Variants in ATP8B4 observed in about 807,000 individuals in gnomAD.
ATP8B4 encodes probable phospholipid-transporting ATPase IM.
ATP8B4 carries 133 observed loss-of-function variants against 145.6 expected under a neutral mutation model. The observed-to-expected ratio is 0.91, with a 90% CI of 0.79 to 1.05. ATP8B4 has a LOEUF of 1.05. ATP8B4 is among the 50% of genes least tolerant of loss of function. The pLI is 0.00. For synonymous variants in ATP8B4, 507 were observed against 492.9 expected, an observed-to-expected ratio of 1.03 and a Z score of -0.38; for missense variants, 1,458 against 1,425.2, an observed-to-expected ratio of 1.02 and a Z score of -0.37.
chr15:49,994,745 C>T (rs965521394), intron 9 of ATP8B4, among the ~76,000 whole-genome samples: 2 of 151,980 alleles, frequency 1.3e-5, no homozygotes, highest in African/African-American at 4.8e-5. Context: ...TCCAGCCTGG[C>T]TCCTTATGCA....
chr15:49,871,340 CACTGTAG>C (rs1445908939), intron 25 of ATP8B4, among the ~76,000 whole-genome samples: 3 of 152,216 alleles, frequency 2.0e-5, no homozygotes, highest in Non-Finnish European at 2.9e-5. Flanking sequence ...TAACCAGTCT[CACTGTAG>C]ACTTTGTTCC....
intron 12 of ATP8B4, among the ~76,000 whole-genome samples, chr15:49,974,081 C>CTTTTTT (rs5812500): frequency 3.9e-5 from 5 of 126,726 alleles, no homozygotes; most frequent in Admixed American, 8.1e-5. Flanking sequence ...TATCATTTGT[C>CTTTTTT]TTTTTTTTTT....
chr15:50,026,869 A>G (rs2050045973), intron 6 of ATP8B4, among the ~76,000 whole-genome samples: 1 of 152,118 alleles, frequency 6.6e-6, no homozygotes, highest in Non-Finnish European at 1.5e-5. Context: ...CTTGTGACGG[A>G]CCACATTGCA....
intron 23 of ATP8B4, chr15:49,895,216 CAA>C (rs1429575162): frequency 1.3e-5 from 2 of 152,162 alleles, no homozygotes; most frequent in Admixed American, 6.5e-5. Flanking sequence ...GTTGACAAAA[CAA>C]AAAGTCAGCA....
chr15:50,104,866 T>TACACACACACACAC (rs142425113), intron 2 of ATP8B4, among the ~76,000 whole-genome samples: 23,338 of 116,072 alleles, frequency 0.2, 2,031 homozygotes, highest in Non-Finnish European at 0.22. Context: ...AAATGTTGCA[T>TACACACACACACAC]ACACACACAC....
intron 1 of ATP8B4, among the ~76,000 whole-genome samples, chr15:50,165,242 G>A (rs2044578600): frequency 6.6e-6 from 1 of 151,930 alleles, no homozygotes; most frequent in South Asian, 2.1e-4. Flanking sequence ...TAGTAGAGAT[G>A]GGGTTTTACC....
chr15:50,027,689 A>G (rs1183713195), intron 6 of ATP8B4, among the ~76,000 whole-genome samples: 1 of 152,232 alleles, frequency 6.6e-6, no homozygotes, highest in Admixed American at 6.5e-5. Context: ...AAGCAAATTT[A>G]AAATCCAGTA....
chr15:50,179,706 A>G (rs745939976), intron 1 of ATP8B4, among the ~76,000 whole-genome samples: 15 of 152,190 alleles, frequency 9.9e-5, no homozygotes, highest in Admixed American at 7.2e-4. Flanking sequence ...CAGAGAGGTA[A>G]TTTGTCCCTT....
Position 49,930,701 on chromosome 15 carries a change from C to G in ATP8B4, c.1642+418G>C, listed in dbSNP as rs533488818. On this transcript the variant is annotated intron_variant, in intron 16 of 27. Coordinates refer to ENST00000284509, the MANE Select transcript of ATP8B4 (RefSeq NM_024837.4). ...GGTCTGAATCCCAGCTATTCTACTTCAAACTATGCGAACCTGGGCAAGTTA... is the reference window on the plus strand; with the variant it reads ...GGTCTGAATCCCAGCTATTCTACTTGAAACTATGCGAACCTGGGCAAGTTA... Among the ~76,000 whole-genome samples the G allele has an allele frequency of 5.3e-5, 8 of 152,176 alleles. No homozygotes were observed. The East Asian group carries it at 1.5e-3, about 29-fold the overall frequency.
chr15:50,084,160 T>C (rs1255926382), intron 2 of ATP8B4, among the ~76,000 whole-genome samples: 2 of 151,934 alleles, frequency 1.3e-5, no homozygotes, highest in African/African-American at 4.8e-5. Flanking sequence ...GAAAAGGAAT[T>C]TGGTGGAGGC....
At chr15:50,118,041 G>C (rs1252921112) in intron 1 of ATP8B4, among the ~76,000 whole-genome samples, 1 of 151,918 alleles carries the variant, frequency 6.6e-6, no homozygotes, top group Non-Finnish European at 1.5e-5. Flanking sequence ...CTGGTTAATG[G>C]GTACAAACAT....
In ATP8B4 at chr15:50,151,433, G is replaced by C. The variant is rs556055210; in HGVS notation, c.-43+30828C>G. Among the ~76,000 whole-genome samples, 12 of 152,230 alleles carry C rather than the reference G, an allele frequency of 7.9e-5. No homozygotes were observed. The East Asian group carries it at 2.3e-3, about 29-fold the overall frequency. On this transcript the variant is annotated intron_variant, in intron 1 of 3. Transcript: ENST00000558829. ...AACAACTTTTTGTCTATTCATTTAAGTCTGGGAACACTTGAAGCCAGTCAT... is the reference window on the plus strand; with the variant it reads ...AACAACTTTTTGTCTATTCATTTAACTCTGGGAACACTTGAAGCCAGTCAT...
At chr15:49,931,880 G>A (rs1006737288) in intron 15 of ATP8B4, among the ~76,000 whole-genome samples, 1 of 151,748 alleles carries the variant, frequency 6.6e-6, no homozygotes, top group Non-Finnish European at 1.5e-5. Flanking sequence ...TGAAATGTAA[G>A]AAATCAAACC....
chr15:50,116,171 A>G (rs1456239806), intron 1 of ATP8B4, among the ~76,000 whole-genome samples: 1 of 152,168 alleles, frequency 6.6e-6, no homozygotes, highest in Non-Finnish European at 1.5e-5. Context: ...TAATTCCAGC[A>G]CTTTGGAAGG....
At chr15:50,173,626 G>A (rs571100498) in intron 1 of ATP8B4, among the ~76,000 whole-genome samples, 136 of 151,902 alleles carry the variant, frequency 9.0e-4, no homozygotes, top group African/African-American at 3.2e-3. Context: ...TTTATCTGCT[G>A]ACCTTCCCTC....
At chr15:50,114,782 A>G (rs1027221284) in intron 1 of ATP8B4, among the ~76,000 whole-genome samples, 1 of 152,244 alleles carries the variant, frequency 6.6e-6, no homozygotes, top group Non-Finnish European at 1.5e-5. Context: ...GTTAGTACTC[A>G]ATAAGGGAAA....
intron 2 of ATP8B4, among the ~76,000 whole-genome samples, chr15:50,088,331 G>T (rs939569107): frequency 1.3e-5 from 2 of 151,754 alleles, no homozygotes; most frequent in Non-Finnish European, 2.9e-5. Context: ...GGGTGACAGA[G>T]CGAGACTCCC....
At chr15:50,029,142 A>G (rs754396449) in intron 6 of ATP8B4, among the ~76,000 whole-genome samples, 3 of 148,620 alleles carry the variant, frequency 2.0e-5, no homozygotes, top group African/African-American at 7.5e-5. Context: ...CCGAGGCAAG[A>G]GAATCGCTTG....
intron 1 of ATP8B4, among the ~76,000 whole-genome samples, chr15:50,118,333 A>G (rs2414020): frequency 0.47 from 71,094 of 151,930 alleles, 17,186 homozygotes; most frequent in Middle Eastern, 0.57. Context: ...CAGTTATTAC[A>G]TATCACATAA....
Sources: allele counts gnomAD v4.1 joint callset (sites outside exome capture counted in the v4.1 genomes callset), GRCh38; gene constraint gnomAD v4.1.1; transcripts MANE v1.5; gene names NCBI Gene and HGNC (gene_info 2026-07-23, HGNC 2026-07-21).